Variants in ZRANB1 observed in about 807,000 individuals in gnomAD.
ZRANB1 encodes the protein ubiquitin thioesterase ZRANB1.
In ZRANB1, 16 loss-of-function variants were observed where a neutral mutation model predicts 80.5. That is an observed-to-expected ratio of 0.20 (90% CI 0.13 to 0.30). The LOEUF is 0.30. Among genes scored for constraint, ZRANB1 ranks in the 10% least tolerant of loss-of-function variants. The pLI, the probability that ZRANB1 is intolerant of heterozygous loss-of-function variation, is 1.00. For missense variants in ZRANB1, 576 were observed against 862.6 expected, an observed-to-expected ratio of 0.67 and a Z score of 4.16; for synonymous variants, 291 against 293.1, an observed-to-expected ratio of 0.99 and a Z score of 0.07.
the ZRANB1 span, among the ~76,000 whole-genome samples, chr10:124,935,439 C>T: frequency 1.3e-5 from 2 of 152,196 alleles, no homozygotes; most frequent in Non-Finnish European, 2.9e-5. Context: ...AATTCAACCT[C>T]AGTCATCCTT....
chr10:124,960,907 T>G (rs1013465667), intron 1 of ZRANB1, among the ~76,000 whole-genome samples: 4 of 152,146 alleles, frequency 2.6e-5, no homozygotes, highest in African/African-American at 9.7e-5. Context: ...CAGAAAAACC[T>G]TTGGATGTGA....
At chr10:124,978,454 T>C (rs1951900152) in intron 5 of ZRANB1, among the ~76,000 whole-genome samples, 1 of 152,246 alleles carries the variant, frequency 6.6e-6, no homozygotes, top group Non-Finnish European at 1.5e-5. Flanking sequence ...TTTGTGTTTG[T>C]AGCTAGCTGT....
intron 5 of ZRANB1, among the ~76,000 whole-genome samples, chr10:124,975,883 TC>T (rs762082401): frequency 1.9e-4 from 29 of 152,236 alleles, no homozygotes; most frequent in Admixed American, 3.9e-4. Flanking sequence ...ATGCCTATAA[TC>T]CCAGCTATTC....
At position 124,942,936 on chromosome 10, in the gene ZRANB1, C is replaced by T. The variant is rs757032316; in HGVS notation, c.443C>T (p.Thr148Ile). 6.2e-7 allele frequency: 1 copy of T among 1,614,186 alleles called. No homozygotes were observed. The highest frequency in any genetic ancestry group is 8.5e-7 in the Non-Finnish European group (1 of 1,180,042). ...TACAATGATAGAAATAAACTGAACA[C>T]TAGGACACAGCACTGGACTTGCTCT... ...EEYNDRNKLN[T>I]RTQHWTCSVC... The change falls in exon 1 of 9, where the codon ACT (threonine) becomes ATT (isoleucine). Residue 148 changes from threonine to isoleucine, a missense_variant. This residue lies in a region of ZRANB1 where 411 missense variants were observed against 583.1 expected (regional missense o/e 0.70). Coordinates refer to ENST00000359653, the MANE Select transcript of ZRANB1 (RefSeq NM_017580.3).
At chr10:124,939,591 C>T (rs1340217688), upstream of ZRANB1, among the ~76,000 whole-genome samples, 1 of 152,016 alleles carries the variant, frequency 6.6e-6, no homozygotes, top group Non-Finnish European at 1.5e-5. Flanking sequence ...TTTAGTTGCA[C>T]CTACAAACAT....
rs1952031102 is a variant in ZRANB1, at chr10:124,986,240, C to T, written c.*1248C>T. 1 of 151,104 alleles carries T rather than the reference C, an allele frequency of 6.6e-6. No individual in the cohort carries two copies. Among genetic ancestry groups the T allele is most frequent in the Admixed American group, 6.7e-5 (1 of 15,028 alleles). 9.4% of individuals were successfully genotyped at this position (151,104 alleles called of 1,614,324 possible). On this transcript the variant is annotated 3_prime_UTR_variant, in exon 9 of 9. Coordinates refer to ENST00000359653, the MANE Select transcript of ZRANB1 (RefSeq NM_017580.3). ...GGTGTCCTGATAAGCACTTTCTAGA[C>T]TATTGATGTGGCCAGGAATTTGGAA... is the stretch of plus-strand genomic sequence containing the variant.
upstream of ZRANB1, among the ~76,000 whole-genome samples, chr10:124,938,689 A>G (rs943208594): frequency 2.0e-5 from 3 of 151,382 alleles, no homozygotes; most frequent in African/African-American, 7.3e-5. Context: ...CTCAGAGTGA[A>G]CACTGTACAT....
intron 2 of ZRANB1, among the ~76,000 whole-genome samples, chr10:124,970,291 C>G (rs1219768810): frequency 6.6e-6 from 1 of 151,992 alleles, no homozygotes; most frequent in East Asian, 1.9e-4. Flanking sequence ...TCTTTTGAGA[C>G]AGACTTTCTC....
chr10:124,923,812 C>T, the ZRANB1 span, among the ~76,000 whole-genome samples: 1 of 151,700 alleles, frequency 6.6e-6, no homozygotes, highest in Non-Finnish European at 1.5e-5. Context: ...GAAACCGCCC[C>T]CATGATCCGG....
rs1952096591 is a variant in ZRANB1 at position 124,987,849 on chromosome 10, T to TA, written c.*2858dup. On this transcript the variant is annotated 3_prime_UTR_variant, in exon 9 of 9. Transcript: ENST00000359653. ...GTTGGACTTAATTGACACTTGCAAA[T>TA]ACTTTTAGTATAAAGGTTTAATTCT... is the stretch of plus-strand genomic sequence containing the variant. The TA allele has an allele frequency of 6.6e-6, 1 of 152,224 alleles. No homozygotes were observed. The highest frequency in any genetic ancestry group is 1.5e-5 in the Non-Finnish European group (1 of 68,032). 9.4% of individuals were successfully genotyped at this position (152,224 alleles called of 1,614,324 possible). A position where few individuals can be genotyped will look rare whatever the true frequency, so the allele number is the denominator to read the frequency against.
chr10:124,967,449 A>C (rs1951785660), intron 2 of ZRANB1, among the ~76,000 whole-genome samples: 1 of 152,196 alleles, frequency 6.6e-6, no homozygotes, highest in Non-Finnish European at 1.5e-5. Context: ...AGAGAAGGGA[A>C]GTCTGAAAGA....
intron 1 of ZRANB1, among the ~76,000 whole-genome samples, chr10:124,950,260 G>A (rs1408725417): frequency 6.6e-6 from 1 of 151,992 alleles, no homozygotes; most frequent in East Asian, 1.9e-4. Flanking sequence ...AGGTAGATGG[G>A]ACTACAGACG....
the ZRANB1 span, among the ~76,000 whole-genome samples, chr10:124,935,211 A>G: frequency 4.6e-5 from 7 of 152,326 alleles, no homozygotes; most frequent in Admixed American, 3.3e-4. Context: ...CTATTTGTTG[A>G]TGTAGTTGTA....
At chr10:124,919,773 G>A in the ZRANB1 span, among the ~76,000 whole-genome samples, 7 of 151,368 alleles carry the variant, frequency 4.6e-5, no homozygotes, top group African/African-American at 1.7e-4. Context: ...CACCACGCCC[G>A]GCTAATTTTT....
intron 1 of ZRANB1, among the ~76,000 whole-genome samples, chr10:124,965,447 A>G (rs1951768692): frequency 6.6e-6 from 1 of 152,184 alleles, no homozygotes; most frequent in Non-Finnish European, 1.5e-5. Context: ...GCGTTCCTGT[A>G]TATGATGAGG....
intron 2 of ZRANB1, among the ~76,000 whole-genome samples, chr10:124,971,567 G>A (rs1951825853): frequency 6.6e-6 from 1 of 152,150 alleles, no homozygotes; most frequent in Non-Finnish European, 1.5e-5. Context: ...AGTATTTGCA[G>A]TTTCCCTTTA....
chr10:124,932,151 T>G, the ZRANB1 span, among the ~76,000 whole-genome samples: 11 of 152,312 alleles, frequency 7.2e-5, no homozygotes, highest in Admixed American at 3.3e-4. Flanking sequence ...AGCCCATTTG[T>G]TTTTAGAGCT....
intron 5 of ZRANB1, among the ~76,000 whole-genome samples, chr10:124,976,976 T>G (rs1481360693): frequency 1.3e-5 from 2 of 151,944 alleles, no homozygotes; most frequent in African/African-American, 4.8e-5. Context: ...GGTGGTGGTG[T>G]TTGTTTTTTG....
intron 1 of ZRANB1, among the ~76,000 whole-genome samples, chr10:124,962,731 C>A (rs964813715): frequency 1.3e-5 from 2 of 152,084 alleles, no homozygotes; most frequent in African/African-American, 4.8e-5. Flanking sequence ...AATATAGTGG[C>A]TTTCATTCTT....
Sources: allele counts gnomAD v4.1 joint callset (sites outside exome capture counted in the v4.1 genomes callset), GRCh38; gene constraint gnomAD v4.1.1; regional missense constraint gnomAD v4.1.1; transcripts MANE v1.5; gene names NCBI Gene and HGNC (gene_info 2026-07-23, HGNC 2026-07-21).